PCNX4: variants seen among roughly 807,000 people sequenced by gnomAD.
PCNX4 encodes the protein pecanex-like protein 4.
PCNX4 carries 103 observed loss-of-function variants against 107.2 expected under a neutral mutation model. The ratio of observed to expected loss-of-function variants is 0.96; its 90% CI spans 0.82 to 1.13. The LOEUF (loss-of-function observed/expected upper bound fraction) is 1.13, where lower values mean the gene tolerates loss of function less well. Ranked by LOEUF, PCNX4 falls within the 50% of genes most tolerant of loss-of-function variation. The pLI is 0.00. For missense variants in PCNX4, 1,528 were observed against 1,379.4 expected (o/e 1.11, Z -1.71); for synonymous variants, 541 against 481.7 (o/e 1.12, Z -1.61).
chr14:60,129,245 A>AAG (rs2140566407), intron 10 of PCNX4, among the ~76,000 whole-genome samples: 1 of 151,196 alleles, frequency 6.6e-6, no homozygotes, highest in African/African-American at 2.4e-5. Flanking sequence ...CATCTCAAAA[A>AAG]AAAAAAAAGA....
intron 7 of PCNX4, among the ~76,000 whole-genome samples, chr14:60,119,062 C>T (rs1015319496): frequency 6.6e-5 from 10 of 152,142 alleles, no homozygotes; most frequent in Non-Finnish European, 1.5e-4. Flanking sequence ...AGCATACGTT[C>T]ATAAAGTTTA....
rs1475652102 is a variant in PCNX4 at position 60,124,315 on chromosome 14, G to A, written c.2144G>A (p.Cys715Tyr). 1.2e-6 allele frequency: 2 copies of A among 1,611,404 alleles called. No homozygotes were observed. Among genetic ancestry groups the A allele is most frequent in the Non-Finnish European group, 1.7e-6 (2 of 1,178,548 alleles). ...DAFEQEYTRV[C>Y]SLNEHFGNVL... is the part of the protein sequence containing the mutation. ...TTTGAGCAAGAATACACAAGAGTAT[G>A]TTCCCTTAATGAACACTTTGGAAAT... Residue 715 changes from cysteine (C) to tyrosine (Y), a missense_variant, in exon 9 of 11, where the codon TGT becomes TAT. Coordinates refer to ENST00000406854, the MANE Select transcript of PCNX4 (RefSeq NM_001330177.2).
intron 1 of PCNX4, among the ~76,000 whole-genome samples, chr14:60,095,210 CA>C (rs1343768941): frequency 6.6e-6 from 1 of 152,096 alleles, no homozygotes; most frequent in Non-Finnish European, 1.5e-5. Context: ...TGGGTAGGGG[CA>C]AATAGTTATT....
At chr14:60,118,753 A>G (rs1211687667) in intron 7 of PCNX4, 61 bp downstream of exon 7, 8 of 1,462,816 alleles carry the variant, frequency 5.5e-6, no homozygotes, top group Middle Eastern at 1.8e-4. Flanking sequence ...CAAAAAAATA[A>G]CAAACAGGAA....
At chr14:60,094,133 C>T (rs920167488) in intron 1 of PCNX4, among the ~76,000 whole-genome samples, 6 of 152,058 alleles carry the variant, frequency 3.9e-5, no homozygotes, top group Non-Finnish European at 7.4e-5. Context: ...CACAAATTTT[C>T]TTCCATTCTA....
intron 7 of PCNX4, 96 bp from the exon 8 acceptor site, chr14:60,121,100 A>G: frequency 7.0e-7 from 1 of 1,428,022 alleles, no homozygotes; most frequent in Non-Finnish European, 9.3e-7. Context: ...AATCAGTTCT[A>G]GATGTCTTTT....
In PCNX4 at chr14:60,140,825, TTCTTA is replaced by T. The variant is rs920536931; in HGVS notation, c.*6609_*6613del. The T allele has an allele frequency of 6.6e-6, 1 of 152,208 alleles. No homozygotes were observed. Among genetic ancestry groups the T allele is most frequent in the Admixed American group, 6.5e-5 (1 of 15,282 alleles). The allele number at this position is 152,208 out of a possible 1,614,324, so 9.4% of individuals were successfully genotyped here. On this transcript the variant is annotated 3_prime_UTR_variant, in exon 11 of 11. Coordinates refer to ENST00000406854, the MANE Select transcript of PCNX4 (RefSeq NM_001330177.2). This position sits in a 1 kb window ranked among gnomAD's most constrained non-coding sequence, Gnocchi z 4.2. ...TGCTTTTTAATATTCATCTTTATTT[TTCTTA>T]TCTTGAGTATGCACATAAGATGTTC...
chr14:60,122,217 C>A (rs1895968554), intron 8 of PCNX4, among the ~76,000 whole-genome samples: 1 of 152,146 alleles, frequency 6.6e-6, no homozygotes, highest in South Asian at 2.1e-4. Context: ...AATTGGTCAT[C>A]CTGCTTCCAC....
chr14:60,127,243 G>A (rs1365272991), intron 10 of PCNX4, among the ~76,000 whole-genome samples: 3 of 152,190 alleles, frequency 2.0e-5, no homozygotes, highest in African/African-American at 7.2e-5. Context: ...CTGTAAACTG[G>A]CTAGATTTTT....
In PCNX4 at chr14:60,137,012, T is replaced by G. The variant is rs952480381; in HGVS notation, c.*2791T>G. 2 of 152,334 alleles carry G rather than the reference T, an allele frequency of 1.3e-5. No individual in the cohort carries two copies. The highest frequency in any genetic ancestry group is 2.9e-5 in the Non-Finnish European group (2 of 68,046). The allele number at this position is 152,334 out of a possible 1,614,324, so 9.4% of individuals were successfully genotyped here. A position where few individuals can be genotyped will look rare whatever the true frequency, so the allele number is the denominator to read the frequency against. On this transcript the variant is annotated 3_prime_UTR_variant, in exon 11 of 11. Transcript: ENST00000406854. Reference sequence around the variant, plus strand: ...GAATTTTCCCTAAAACCTACTTTTCTACTTCTAACTTTTAGTGGTGCATTC... The same window carrying G: ...GAATTTTCCCTAAAACCTACTTTTCGACTTCTAACTTTTAGTGGTGCATTC...
chr14:60,133,042 A>G (rs1378656428), intron 10 of PCNX4, among the ~76,000 whole-genome samples: 2 of 152,220 alleles, frequency 1.3e-5, no homozygotes, highest in Non-Finnish European at 2.9e-5. Flanking sequence ...CAGTTTCTCA[A>G]ATAGTTAAGC....
Position 60,134,243 on chromosome 14 carries a change from C to T in PCNX4, c.*22C>T. 2 of 1,603,516 alleles carry T rather than the reference C, an allele frequency of 1.2e-6. No individual in the cohort carries two copies. The highest frequency in any genetic ancestry group is 1.7e-6 in the Non-Finnish European group (2 of 1,174,098). ...TTAGAGCTCATTTTGACTGTAATGTCATCAAATGCAATGTTTTTATTTTTT... is the reference window on the plus strand; with the variant it reads ...TTAGAGCTCATTTTGACTGTAATGTTATCAAATGCAATGTTTTTATTTTTT... On this transcript the variant is annotated 3_prime_UTR_variant, in exon 11 of 11. Coordinates refer to ENST00000406854, the MANE Select transcript of PCNX4 (RefSeq NM_001330177.2).
chr14:60,098,001 G>A (rs1895458337), intron 1 of PCNX4, among the ~76,000 whole-genome samples: 2 of 152,028 alleles, frequency 1.3e-5, no homozygotes, highest in African/African-American at 4.8e-5. Context: ...CACCCTCTTC[G>A]ACTTCGACGA....
At position 60,114,841 on chromosome 14, in the gene PCNX4, G is replaced by A; in HGVS notation, c.831G>A (p.Glu277=). ...LLLWAMEQVL[E]FGLGGSSMST... ...TATGGGCAATGGAGCAGGTTTTAGA[G>A]TTCGGCCTTGGAGGCTCATCTATGT... Residue 277 remains glutamate (E), a synonymous_variant, in exon 3 of 11, where the codon GAG becomes GAA. Coordinates refer to ENST00000406854, the MANE Select transcript of PCNX4 (RefSeq NM_001330177.2). The A allele has an allele frequency of 2.5e-6, 4 of 1,613,440 alleles. No homozygotes were observed. The highest frequency in any genetic ancestry group is 3.4e-6 in the Non-Finnish European group (4 of 1,179,646).
chr14:60,124,342 T>A lies in PCNX4; in HGVS notation c.2171T>A (p.Val724Asp). The A allele has an allele frequency of 6.2e-7, 1 of 1,613,034 alleles. No homozygotes were observed. The highest frequency in any genetic ancestry group is 8.5e-7 in the Non-Finnish European group (1 of 1,179,388). ...TCCCTTAATGAACACTTTGGAAATG[T>A]CTTGACACCCTGTACTGTTTTGCCT... ...VCSLNEHFGN[V>D]LTPCTVLPVK... The change falls in exon 9 of 11, where the codon GTC (valine) becomes GAC (aspartate). Residue 724 changes from valine to aspartate, a missense_variant. Val to Asp is a radical substitution (Grantham distance 152). Transcript: ENST00000406854.
At chr14:60,116,938 A>C (rs1895860566) in intron 6 of PCNX4, among the ~76,000 whole-genome samples, 1 of 152,170 alleles carries the variant, frequency 6.6e-6, no homozygotes, top group Admixed American at 6.5e-5. Flanking sequence ...AAAAGTTAAA[A>C]ATTTTTAAAT....
At chr14:60,095,694 G>C (rs552637132) in intron 1 of PCNX4, among the ~76,000 whole-genome samples, 1 of 151,498 alleles carries the variant, frequency 6.6e-6, no homozygotes, top group East Asian at 1.9e-4. Flanking sequence ...TCCCTTTTTT[G>C]AGCTGCTTTC....
intron 2 of PCNX4, chr14:60,110,631 A>G (rs1895723473): frequency 6.0e-6 from 1 of 167,060 alleles, no homozygotes; most frequent in South Asian, 2.1e-4. Context: ...CACGTAACTC[A>G]TCTGGTTTCA....
At chr14:60,100,986 A>AT (rs1400610459) in intron 1 of PCNX4, among the ~76,000 whole-genome samples, 1 of 152,010 alleles carries the variant, frequency 6.6e-6, no homozygotes, top group Non-Finnish European at 1.5e-5. Context: ...GATAAGAAAT[A>AT]TTTTACCACC....
Sources: allele counts gnomAD v4.1 joint callset (sites outside exome capture counted in the v4.1 genomes callset), GRCh38; gene constraint gnomAD v4.1.1; non-coding constraint Gnocchi (gnomAD v3.1); transcripts MANE v1.5; gene names NCBI Gene and HGNC (gene_info 2026-07-23, HGNC 2026-07-21).